SPDYE5: variants seen among roughly 807,000 people sequenced by gnomAD.
The protein encoded by SPDYE5 is speedy/RINGO cell cycle regulator family member E5, also known as speedy protein E5.
A neutral mutation model predicts 48.5 loss-of-function variants in SPDYE5; 15 were observed. That is an observed-to-expected ratio of 0.31 (90% confidence interval 0.21 to 0.48). SPDYE5 has a LOEUF of 0.48. Ranked by LOEUF, SPDYE5 falls within the 20% of genes least tolerant of loss-of-function variation. The pLI, the probability that SPDYE5 is intolerant of heterozygous loss-of-function variation, is 0.99. For missense variants in SPDYE5, 331 were observed against 549.1 expected, an observed-to-expected ratio of 0.60 and a Z score of 3.97; for synonymous variants, 116 against 200.7, an observed-to-expected ratio of 0.58 and a Z score of 3.57.
At position 75,499,269 on chromosome 7, in the gene SPDYE5, C is replaced by G. The variant is rs782375602; in HGVS notation, c.708C>G (p.Ala236=). 5 of 1,403,246 alleles carry G rather than the reference C, an allele frequency of 3.6e-6. No homozygotes were observed. The highest frequency in any genetic ancestry group is 5.0e-6 in the Non-Finnish European group (5 of 990,746). The allele number at this position is 1,403,246 out of a possible 1,614,324, so 86.9% of individuals were successfully genotyped here. A position where few individuals can be genotyped will look rare whatever the true frequency, so the allele number is the denominator to read the frequency against. ...LAMVIAYFSR[A]GFPSWQYQRI... ...TGGTCATAGCGTATTTCAGCCGGGC[C>G]GGCTTCCCCTCCTGGCAATACCAAC... The change falls in exon 6 of 9, where the codon GCC becomes GCG. Residue 236 remains alanine, a synonymous_variant. Transcript: ENST00000625065.
chr7:75,499,972 C>A (rs1383364061), intron 6 of SPDYE5, among the ~76,000 whole-genome samples: 1 of 136,472 alleles, frequency 7.3e-6, no homozygotes, highest in Non-Finnish European at 1.6e-5. Flanking sequence ...CAAACGCCAT[C>A]GACCTCCTCT....
At chr7:75,496,600 T>C in intron 3 of SPDYE5, 74 bp from the exon 4 acceptor site, 1 of 1,594,902 alleles carries the variant, frequency 6.3e-7, no homozygotes, top group Non-Finnish European at 8.5e-7. Flanking sequence ...TGGAGAGTGG[T>C]TTGGGGTTTT....
chr7:75,499,811 C>A, intron 6 of SPDYE5, among the ~76,000 whole-genome samples: 1 of 126,048 alleles, frequency 7.9e-6, no homozygotes, highest in African/African-American at 2.9e-5. Context: ...AAACAAACTC[C>A]AATGCCAGTG....
chr7:75,494,723 C>A (rs1186385368), intron 2 of SPDYE5: 2 of 632,122 alleles, frequency 3.2e-6, no homozygotes, highest in African/African-American at 4.0e-5. Context: ...CCTGTCTCTA[C>A]TAAAAGTACA....
chr7:75,501,425 G>T lies in SPDYE5; in HGVS notation c.819G>T (p.Leu273=). The change falls in exon 7 of 9, where the codon CTG becomes CTT. Residue 273 remains leucine, a synonymous_variant. Transcript: ENST00000625065. ...EDSKQNIFHF[L]YGKNRSRIPL... Reference sequence around the variant, plus strand: ...CCAAACAAAACATCTTCCACTTCCTGTATGGGAAGAACCGCTCTCGCATAC... The same window carrying T: ...CCAAACAAAACATCTTCCACTTCCTTTATGGGAAGAACCGCTCTCGCATAC... The T allele has an allele frequency of 6.2e-7, 1 of 1,612,918 alleles. No individual in the cohort carries two copies. The highest frequency in any genetic ancestry group is 8.5e-7 in the Non-Finnish European group (1 of 1,180,020).
chr7:75,495,334 C>A lies in SPDYE5; in HGVS notation c.339C>A (p.Pro113=). The A allele has an allele frequency of 1.3e-6, 2 of 1,597,528 alleles. No individual in the cohort carries two copies. The highest frequency in any genetic ancestry group is 1.7e-6 in the Non-Finnish European group (2 of 1,179,872). ...AGCTGAAGCAACAGCGAGTGTCACC[C>A]ATCCTCCCTGAGCACCACAAGGGCT... The part of the protein sequence containing the change: ...KMKLKQQRVS[P]ILPEHHKGFN... The change falls in exon 3 of 9, where the codon CCC becomes CCA. Residue 113 remains proline (P), a synonymous_variant. Coordinates refer to ENST00000625065, the MANE Select transcript of SPDYE5 (RefSeq NM_001306141.4).
Position 75,493,826 on chromosome 7 carries a change from C to T in SPDYE5, c.-222C>T. ...AGGATCTCCAGGACAAGAGATCAGC[C>T]TGGCAGTTACATGTGTTTTTTTTCA... On this transcript the variant is annotated 5_prime_UTR_variant, in exon 2 of 9. Transcript: ENST00000625065. 7.0e-7 allele frequency: 1 copy of T among 1,437,962 alleles called. No individual in the cohort carries two copies. The highest frequency in any genetic ancestry group is 9.1e-7 in the Non-Finnish European group (1 of 1,101,358). The allele number at this position is 1,437,962 out of a possible 1,614,324, so 89.1% of individuals were successfully genotyped here.
rs782820714 is a variant in SPDYE5, at chr7:75,501,424, T to C, written c.818T>C (p.Leu273Pro). Reference protein sequence around the residue: ...EDSKQNIFHFLYGKNRSRIPL... With the variant: ...EDSKQNIFHFPYGKNRSRIPL... ...TCCAAACAAAACATCTTCCACTTCC[T>C]GTATGGGAAGAACCGCTCTCGCATA... is the stretch of plus-strand genomic sequence containing the variant. The change falls in exon 7 of 9, where the codon CTG becomes CCG. Residue 273 changes from leucine to proline, a missense_variant. This residue lies in a region of SPDYE5 where 70 missense variants were observed against 87.6 expected (regional missense o/e 0.80). Coordinates refer to ENST00000625065, the MANE Select transcript of SPDYE5 (RefSeq NM_001306141.4). The C allele has an allele frequency of 6.2e-7, 1 of 1,612,860 alleles. No individual in the cohort carries two copies. The highest frequency in any genetic ancestry group is 8.5e-7 in the Non-Finnish European group (1 of 1,179,996).
At chr7:75,499,438 A>T (rs1368331917) in intron 6 of SPDYE5, 122 bp downstream of exon 6, 1 of 673,574 alleles carries the variant, frequency 1.5e-6, no homozygotes, top group Non-Finnish European at 2.7e-6. Context: ...TGTACAAAAA[A>T]GAGAGGATTA....
intron 4 of SPDYE5, among the ~76,000 whole-genome samples, chr7:75,497,126 G>A (rs587653705): frequency 6.6e-6 from 1 of 152,276 alleles, no homozygotes; most frequent in East Asian, 1.9e-4. Context: ...TTGGTTTCGG[G>A]CCAGGTGCAG....
rs1277257000 is a variant in SPDYE5, at chr7:75,494,755, C to G, written c.161-401C>G. On this transcript the variant is annotated intron_variant, in intron 2 of 8. Coordinates refer to ENST00000625065, the MANE Select transcript of SPDYE5 (RefSeq NM_001306141.4). ...TACAAAATGGAGCTGGGCATTATGG[C>G]AGGCACCTGTAATCCCAGCTACCTG... 7.3e-6 allele frequency: 5 copies of G among 683,832 alleles called. No individual in the cohort carries two copies. In the Admixed American group the frequency reaches 3.2e-4, roughly 43 times the overall value. 42.4% of individuals were successfully genotyped at this position (683,832 alleles called of 1,614,324 possible).
rs142135406 is a variant in SPDYE5, at chr7:75,495,802, G to C, written c.379+428G>C. On this transcript the variant is annotated intron_variant, in intron 3 of 8. Transcript: ENST00000625065. ...TGCCTGTAATCCCATTACTTTGGGA[G>C]GCTAAGATGGGTGGATCACTTGAGG... Among the ~76,000 whole-genome samples, 1,140 of 152,222 alleles carry C rather than the reference G, an allele frequency of 7.5e-3. 11 individuals carry two copies. The highest frequency in any genetic ancestry group is 0.026 in the African/African-American group (1,067 of 41,550).
intron 6 of SPDYE5, among the ~76,000 whole-genome samples, chr7:75,499,610 T>C (rs1431042340): frequency 6.6e-6 from 1 of 150,706 alleles, no homozygotes; most frequent in African/African-American, 2.4e-5. Flanking sequence ...CTACGAAAAA[T>C]AGAAAAATTA....
chr7:75,501,679 T>C lies in SPDYE5; in HGVS notation c.1073T>C (p.Leu358Pro), dbSNP rs1554483571. ...AGGAAGAACCGCTCTCAGATAGTCC[T>C]GTTCCAGAAACGTCGGTTCCAGTTC... ...RARKNRSQIV[L>P]FQKRRFQFFC... The change falls in exon 7 of 9, where the codon CTG (leucine) becomes CCG (proline). Residue 358 changes from leucine (L) to proline (P), a missense_variant. By Grantham distance (98) the Leu-to-Pro change is moderately conservative (BLOSUM62 -3). Coordinates refer to ENST00000625065, the MANE Select transcript of SPDYE5 (RefSeq NM_001306141.4). 1.9e-6 allele frequency: 3 copies of C among 1,613,724 alleles called. No homozygotes were observed. The highest frequency in any genetic ancestry group is 2.5e-6 in the Non-Finnish European group (3 of 1,180,036).
chr7:75,500,341 G>GA (rs1793098596), intron 6 of SPDYE5, among the ~76,000 whole-genome samples: 1 of 133,892 alleles, frequency 7.5e-6, no homozygotes, highest in African/African-American at 2.8e-5. Flanking sequence ...GCTCTGAAGG[G>GA]AAGGACCCAT....
chr7:75,495,705 C>G (rs1208853167), intron 3 of SPDYE5, among the ~76,000 whole-genome samples: 1 of 152,136 alleles, frequency 6.6e-6, no homozygotes, highest in East Asian at 1.9e-4. Context: ...GACTGCACCA[C>G]TGCACTCCAG....
chr7:75,494,107 C>T lies in SPDYE5; in HGVS notation c.60C>T (p.Thr20=), dbSNP rs1792835458. ...KRGQITEKIT[T]SRQPQPQNEQ... ...GACAGATTACGGAAAAGATCACGACCAGCCGTCAACCGCAACCCCAGAATG... is the reference window on the plus strand; with the variant it reads ...GACAGATTACGGAAAAGATCACGACTAGCCGTCAACCGCAACCCCAGAATG... Residue 20 remains threonine, a synonymous_variant, in exon 2 of 9, where the codon ACC becomes ACT. Coordinates refer to ENST00000625065, the MANE Select transcript of SPDYE5 (RefSeq NM_001306141.4). 1 of 1,535,254 alleles carries T rather than the reference C, an allele frequency of 6.5e-7. No individual in the cohort carries two copies. Among genetic ancestry groups the T allele is most frequent in the Non-Finnish European group, 8.7e-7 (1 of 1,146,810 alleles).
In SPDYE5 at chr7:75,503,351, ATTG is replaced by A. The variant is rs1404930427; in HGVS notation, c.*569_*571del. 2.8e-5 allele frequency: 5 copies of A among 175,450 alleles called. No homozygotes were observed. Among genetic ancestry groups the A allele is most frequent in the African/African-American group, 9.6e-5 (4 of 41,538 alleles). 10.9% of individuals were successfully genotyped at this position (175,450 alleles called of 1,614,324 possible). On this transcript the variant is annotated 3_prime_UTR_variant, in exon 9 of 9. Transcript: ENST00000625065. ...TAGATTTATTTCAAATAGTTTGGAA[ATTG>A]TTGTACTTTTGAAAACATGCTGTTC... is the stretch of plus-strand genomic sequence containing the variant.
chr7:75,491,905 G>A (rs1356502786), upstream of SPDYE5, among the ~76,000 whole-genome samples: 9 of 151,518 alleles, frequency 5.9e-5, no homozygotes, highest in South Asian at 2.1e-4. Flanking sequence ...TAGTAGAGAC[G>A]GATTTAAACA....
Sources: allele counts gnomAD v4.1 joint callset (sites outside exome capture counted in the v4.1 genomes callset), GRCh38; gene constraint gnomAD v4.1.1; regional missense constraint gnomAD v4.1.1; transcripts MANE v1.5; gene names NCBI Gene and HGNC (gene_info 2026-07-23, HGNC 2026-07-21).